Variants in DYSF observed in about 807,000 individuals in gnomAD.
DYSF encodes dysferlin.
A neutral mutation model predicts 274.9 loss-of-function variants in DYSF; 212 were observed. The ratio of observed to expected loss-of-function variants is 0.77; its 90% confidence interval spans 0.69 to 0.86. The LOEUF is 0.86. DYSF is among the 40% of genes least tolerant of loss of function. The pLI is 0.00. For missense variants in DYSF, 2,666 were observed against 2,783.2 expected (o/e 0.96, Z 0.95); for synonymous variants, 1,091 against 1,078.7 (o/e 1.01, Z -0.22).
At chr2:71,542,291 A>AT (rs1313452251) in intron 17 of DYSF, among the ~76,000 whole-genome samples, 12 of 151,314 alleles carry the variant, frequency 7.9e-5, no homozygotes, top group Non-Finnish European at 1.8e-4. Context: ...TGCTAATCTG[A>AT]TTTTTTTCTG....
chr2:71,679,312 T>A, intron 53 of DYSF, 77 bp downstream of exon 53: 1 of 1,421,462 alleles, frequency 7.0e-7, no homozygotes, highest in South Asian at 1.2e-5. Context: ...AAATACGTCA[T>A]CAGAAAATAC....
chr2:71,548,173 C>T (rs1324598066), intron 17 of DYSF, among the ~76,000 whole-genome samples: 7 of 152,204 alleles, frequency 4.6e-5, no homozygotes, highest in African/African-American at 4.8e-5. Flanking sequence ...GCTGAGGCCT[C>T]GCTGAGGAGG....
chr2:71,645,202 T>G (rs1315131875), intron 42 of DYSF, among the ~76,000 whole-genome samples: 1 of 152,188 alleles, frequency 6.6e-6, no homozygotes, highest in Non-Finnish European at 1.5e-5. Context: ...GTTTCTTGCC[T>G]TGGTGTACTG....
At chr2:71,573,027 C>A (rs1574089694) in intron 29 of DYSF, among the ~76,000 whole-genome samples, 1 of 152,326 alleles carries the variant, frequency 6.6e-6, no homozygotes, top group Non-Finnish European at 1.5e-5. Flanking sequence ...TGCACAGCCT[C>A]TGTGCCCGCC....
At chr2:71,567,366 G>T (rs967981664) in intron 24 of DYSF, among the ~76,000 whole-genome samples, 2 of 152,204 alleles carry the variant, frequency 1.3e-5, no homozygotes, top group African/African-American at 2.4e-5. Context: ...TCTCTTTCCA[G>T]ATCTGTATCA....
chr2:71,523,023 C>T (rs1426531092), intron 12 of DYSF, among the ~76,000 whole-genome samples: 1 of 152,198 alleles, frequency 6.6e-6, no homozygotes, highest in Admixed American at 6.5e-5. Context: ...GCTGGTGTAA[C>T]AAAGATGCCC....
intron 14 of DYSF, among the ~76,000 whole-genome samples, chr2:71,534,604 T>C (rs1306034226): frequency 6.6e-6 from 1 of 152,162 alleles, no homozygotes; most frequent in Non-Finnish European, 1.5e-5. Flanking sequence ...TCTTCCTACA[T>C]GGTGGATGAT....
At chr2:71,462,236 T>C (rs2152633858), upstream of DYSF, among the ~76,000 whole-genome samples, 1 of 152,302 alleles carries the variant, frequency 6.6e-6, no homozygotes, top group African/African-American at 2.4e-5. Context: ...CAGCCAGGCA[T>C]GCCAGCTGTG....
At chr2:71,681,176 C>A in intron 54 of DYSF, 66 bp downstream of exon 54, 1 of 1,433,410 alleles carries the variant, frequency 7.0e-7, no homozygotes, top group Non-Finnish European at 9.7e-7. Flanking sequence ...GTCCAGGAGG[C>A]ATCCCATTGC....
At position 71,677,074 on chromosome 2, in the gene DYSF, G is replaced by A. The variant is rs186737896; in HGVS notation, c.5885-1983G>A. 2.1e-3 allele frequency among the ~76,000 whole-genome samples: 319 copies of A among 152,162 alleles called. 2 individuals carry two copies. The highest frequency in any genetic ancestry group is 7.4e-3 in the African/African-American group (307 of 41,522). Reference sequence around the variant, plus strand: ...GGTGGGTGGAGCATAGATGAATGCCGATATACAGTTGAATAAGTGGACAGA... The same window carrying A: ...GGTGGGTGGAGCATAGATGAATGCCAATATACAGTTGAATAAGTGGACAGA... On this transcript the variant is annotated intron_variant, in intron 52 of 55. Coordinates refer to ENST00000410020, the MANE Select transcript of DYSF (RefSeq NM_001130987.2).
intron 7 of DYSF, among the ~76,000 whole-genome samples, chr2:71,514,498 C>G (rs2152732843): frequency 6.6e-6 from 1 of 152,234 alleles, no homozygotes; most frequent in Non-Finnish European, 1.5e-5. Flanking sequence ...AGAATAAAAG[C>G]TATTAATATG....
chr2:71,591,651 G>A (rs1349944780), intron 32 of DYSF, among the ~76,000 whole-genome samples: 1 of 152,256 alleles, frequency 6.6e-6, no homozygotes, highest in Non-Finnish European at 1.5e-5. Context: ...GGAACCCAAG[G>A]CTATCACTGT....
chr2:71,668,903 G>A, intron 49 of DYSF, 61 bp downstream of exon 49: 1 of 1,547,842 alleles, frequency 6.5e-7, no homozygotes. Flanking sequence ...GCAGCCTGCT[G>A]TGGGCGGGAC....
Position 71,481,788 on chromosome 2 carries a change from C to T in DYSF, c.148-91C>T, listed in dbSNP as rs35628632. On this transcript the variant is annotated intron_variant, in intron 2 of 55. Transcript: ENST00000410020. The stretch of plus-strand genomic sequence containing the variant: ...CACTAGAATCATTCATGAATGCCTA[C>T]TCAGTGCCCTGGTGGCACGAAGGTG... The T allele has an allele frequency of 0.084, 82,308 of 984,760 alleles. 4,595 individuals are homozygous for T. Among genetic ancestry groups the T allele is most frequent in the Admixed American group, 0.23 (11,902 of 51,318 alleles). The allele number at this position is 984,760 out of a possible 1,614,324, so 61.0% of individuals were successfully genotyped here. A position where few individuals can be genotyped will look rare whatever the true frequency, so the allele number is the denominator to read the frequency against.
intron 34 of DYSF, chr2:71,601,133 G>C: frequency 1.7e-6 from 1 of 588,630 alleles, no homozygotes; most frequent in South Asian, 2.0e-5. Context: ...CAATGTGAGG[G>C]ACTCCAGGGA....
At chr2:71,554,085 A>G (rs1464349283) in intron 21 of DYSF, among the ~76,000 whole-genome samples, 154 bp downstream of exon 21, 1 of 152,202 alleles carries the variant, frequency 6.6e-6, no homozygotes, top group African/African-American at 2.4e-5. Flanking sequence ...TGCCTTGGCA[A>G]TACCAGGCTT....
At chr2:71,672,495 C>A (rs890529554) in intron 51 of DYSF, among the ~76,000 whole-genome samples, 16 of 152,210 alleles carry the variant, frequency 1.1e-4, no homozygotes, top group Non-Finnish European at 2.9e-5. Context: ...CGGCTTTGAA[C>A]CACCACTGGT....
intron 38 of DYSF, 63 bp downstream of exon 38, chr2:71,611,689 C>T (rs544006063): frequency 2.3e-4 from 359 of 1,577,370 alleles, no homozygotes; most frequent in South Asian, 4.3e-4. Flanking sequence ...TACATGTCCC[C>T]GAGCAGCCTG....
chr2:71,632,967 A>G (rs2094339916), intron 41 of DYSF, among the ~76,000 whole-genome samples: 1 of 152,196 alleles, frequency 6.6e-6, no homozygotes. Flanking sequence ...TTTGGAAGCA[A>G]TTCAGCATTT....
Sources: gnomAD v4.1 joint callset for allele counts (sites outside exome capture counted in the v4.1 genomes callset) on GRCh38, gnomAD v4.1.1 for gene constraint, MANE v1.5 for transcripts, NCBI Gene and HGNC (gene_info 2026-07-23, HGNC 2026-07-21) for gene names.